The following DYSF variants were observed in gnomAD, a reference collection of about 807,000 sequenced individuals.
The protein encoded by DYSF is dysferlin, also known as dystrophy-associated fer-1-like 1.
A neutral mutation model predicts 274.9 loss-of-function variants in DYSF; 212 were observed. The observed-to-expected ratio is 0.77, with a 90% confidence interval of 0.69 to 0.86. The LOEUF (loss-of-function observed/expected upper bound fraction) is 0.86. Ranked by LOEUF, DYSF falls within the 40% of genes least tolerant of loss-of-function variation. The pLI, the probability that DYSF is intolerant of heterozygous loss-of-function variation, is 0.00. For synonymous variants in DYSF, 1,091 were observed against 1,078.7 expected, an observed-to-expected ratio of 1.01 and a Z score of -0.22; for missense variants, 2,666 against 2,783.2, an observed-to-expected ratio of 0.96 and a Z score of 0.95.
chr2:71,553,564 TC>T (rs2152791733), intron 20 of DYSF, among the ~76,000 whole-genome samples: 1 of 152,226 alleles, frequency 6.6e-6, no homozygotes, highest in East Asian at 1.9e-4. Context: ...TCTGCTCAAC[TC>T]ACGAAGGGAG....
At chr2:71,601,821 G>A (rs188502894) in intron 35 of DYSF, among the ~76,000 whole-genome samples, 92 of 152,256 alleles carry the variant, frequency 6.0e-4, no homozygotes, top group Admixed American at 1.2e-3. Context: ...TAGAATCTCC[G>A]GGACAGCACT....
At chr2:71,628,696 A>T (rs1425114952) in intron 41 of DYSF, among the ~76,000 whole-genome samples, 5 of 152,182 alleles carry the variant, frequency 3.3e-5, no homozygotes, top group Non-Finnish European at 1.5e-5. Flanking sequence ...CATGCCTGTA[A>T]TCCCAGCACT....
At position 71,574,422 on chromosome 2, in the gene DYSF, C is replaced by T. The variant is rs370764937; in HGVS notation, c.3402+51C>T. On this transcript the variant is annotated intron_variant, in intron 30 of 55. Coordinates refer to ENST00000410020, the MANE Select transcript of DYSF (RefSeq NM_001130987.2). ...CTTGGGTAGGGTATATCTTGGTTTC[C>T]CAGGGCTGTTCGGGCTGATGTGGGA... 6 of 1,596,772 alleles carry T rather than the reference C, an allele frequency of 3.8e-6. No homozygotes were observed. In the African/African-American group the frequency reaches 6.7e-5, roughly 18 times the overall value.
intron 1 of DYSF, among the ~76,000 whole-genome samples, chr2:71,468,380 TG>T (rs1253968209): frequency 6.6e-6 from 1 of 152,174 alleles, no homozygotes. Flanking sequence ...ATAAGGAAAT[TG>T]AAACCCAGGG....
chr2:71,664,863 G>A (rs1387626933), intron 46 of DYSF, among the ~76,000 whole-genome samples: 1 of 152,190 alleles, frequency 6.6e-6, no homozygotes, highest in Non-Finnish European at 1.5e-5. Context: ...ATGCATGTGA[G>A]GACTGCACCC....
At chr2:71,673,049 CA>C (rs1264083833) in intron 51 of DYSF, among the ~76,000 whole-genome samples, 2 of 152,196 alleles carry the variant, frequency 1.3e-5, no homozygotes, top group Non-Finnish European at 1.5e-5. Context: ...GGCTGGACAG[CA>C]AGGGTGGGTT....
In DYSF at chr2:71,625,282, T is replaced by C. The variant is rs149132075; in HGVS notation, c.4527+4673T>C. On this transcript the variant is annotated intron_variant, in intron 41 of 55. Transcript: ENST00000410020. Reference sequence around the variant, plus strand: ...ACTGTTAAAGGGAGCTATTTGTCTATATTTTCTTCTAAAAATTCTGAAGTT... The same window carrying C: ...ACTGTTAAAGGGAGCTATTTGTCTACATTTTCTTCTAAAAATTCTGAAGTT... Among the ~76,000 whole-genome samples the C allele has an allele frequency of 4.0e-3, 603 of 152,310 alleles. 2 individuals carry two copies. The highest frequency in any genetic ancestry group is 0.014 in the African/African-American group (586 of 41,580).
rs2152814618 is a variant in DYSF at position 71,570,299 on chromosome 2, G to A, written c.3050G>A (p.Trp1017Ter). The A allele has an allele frequency of 6.2e-7, 1 of 1,614,136 alleles. No individual in the cohort carries two copies. The highest frequency in any genetic ancestry group is 8.5e-7 in the Non-Finnish European group (1 of 1,180,016). ...GGCTGGAAGTGGGAAGATGAGGAAT[G>A]GTCCACAGACCTCAACCGGGCTGTC... The part of the protein sequence containing the change: ...PLGWKWEDEE[W>*]STDLNRAVDE... Residue 1017 changes from tryptophan to a stop codon, truncating the protein, a stop_gained, in exon 28 of 56, where the codon TGG (tryptophan) becomes TAG (stop). Coordinates refer to ENST00000410020, the MANE Select transcript of DYSF (RefSeq NM_001130987.2). LOFTEE classifies it high-confidence loss of function.
At chr2:71,455,712 C>T (rs2081032783) in intron 1 of DYSF, among the ~76,000 whole-genome samples, 1 of 152,148 alleles carries the variant, frequency 6.6e-6, no homozygotes, top group South Asian at 2.1e-4. Flanking sequence ...CCTCCCACGC[C>T]AGCACCTCTT....
At chr2:71,541,510 T>G (rs1459641225) in intron 17 of DYSF, among the ~76,000 whole-genome samples, 2 of 19,120 alleles carry the variant, frequency 1.0e-4, no homozygotes, top group East Asian at 6.0e-4. Flanking sequence ...TGTATTTGAG[T>G]TTTTTTTTCT....
intron 1 of DYSF, among the ~76,000 whole-genome samples, chr2:71,477,411 C>T (rs180765590): frequency 3.0e-4 from 45 of 152,016 alleles, no homozygotes; most frequent in South Asian, 1.5e-3. Context: ...TGTAAGTTGC[C>T]GGGCTCTGTC....
At chr2:71,568,629 C>T (rs1338876183) in intron 26 of DYSF, among the ~76,000 whole-genome samples, 1 of 151,822 alleles carries the variant, frequency 6.6e-6, no homozygotes, top group Non-Finnish European at 1.5e-5. Context: ...AGCATGATCG[C>T]AGCTCATTGC....
At chr2:71,638,726 G>A (rs149545643) in intron 41 of DYSF, among the ~76,000 whole-genome samples, 41 of 152,150 alleles carry the variant, frequency 2.7e-4, no homozygotes, top group Admixed American at 1.8e-3. Flanking sequence ...CTTTATCCAC[G>A]CATCAGTTGA....
At position 71,620,498 on chromosome 2, in the gene DYSF, T is replaced by C. The variant is rs1469276031; in HGVS notation, c.4465-49T>C. On this transcript the variant is annotated intron_variant, in intron 40 of 55. Coordinates refer to ENST00000410020, the MANE Select transcript of DYSF (RefSeq NM_001130987.2). The stretch of plus-strand genomic sequence containing the variant: ...CTCTTGGAGACTGTCCAGCCTTCCC[T>C]AAAGTGGGTTCTCTAATCCTGTTGC... The C allele has an allele frequency of 1.1e-5, 17 of 1,548,498 alleles. No homozygotes were observed. The Middle Eastern group carries it at 1.2e-3, about 106-fold the overall frequency.
intron 34 of DYSF, 109 bp downstream of exon 34, chr2:71,600,951 G>A: frequency 6.7e-7 from 1 of 1,487,274 alleles, no homozygotes; most frequent in Non-Finnish European, 9.2e-7. Flanking sequence ...CTCCTGCTGA[G>A]ACCCATTTTC....
At chr2:71,583,043 CAAAAAAAAAAA>C (rs143738269) in intron 30 of DYSF, among the ~76,000 whole-genome samples, 6 of 49,950 alleles carry the variant, frequency 1.2e-4, no homozygotes, top group African/African-American at 3.3e-4. Flanking sequence ...GACTCCATCT[CAAAAAAAAAAA>C]AAAAAAAAAA....
upstream of DYSF, among the ~76,000 whole-genome samples, chr2:71,463,295 T>TC (rs1214228606): frequency 6.6e-6 from 1 of 152,150 alleles, no homozygotes; most frequent in African/African-American, 2.4e-5. Flanking sequence ...ACAACTTTGC[T>TC]CCACCCTGGA....
In DYSF at chr2:71,658,981, G is replaced by T; in HGVS notation, c.4859G>T (p.Arg1620Leu). 1 of 1,614,106 alleles carries T rather than the reference G, an allele frequency of 6.2e-7. No individual in the cohort carries two copies. The highest frequency in any genetic ancestry group is 8.5e-7 in the Non-Finnish European group (1 of 1,180,018). Residue 1620 changes from arginine to leucine, a missense_variant, in exon 44 of 56, where the codon CGT (arginine) becomes CTT (leucine). Transcript: ENST00000410020. ...CAGGGACCCCAGGAGTGCTTGGTCCGTATCTACATTGTCCGAGCATTTGGC... is the reference window on the plus strand; with the variant it reads ...CAGGGACCCCAGGAGTGCTTGGTCCTTATCTACATTGTCCGAGCATTTGGC... ...AAQGPQECLV[R>L]IYIVRAFGLQ...
chr2:71,645,723 G>A (rs968156339), intron 42 of DYSF, among the ~76,000 whole-genome samples: 2 of 152,012 alleles, frequency 1.3e-5, no homozygotes, highest in Non-Finnish European at 2.9e-5. Flanking sequence ...ACCCCGTTCT[G>A]TATCAGTTAT....
Sources: allele counts gnomAD v4.1 joint callset (sites outside exome capture counted in the v4.1 genomes callset), GRCh38; gene constraint gnomAD v4.1.1; transcripts MANE v1.5; gene names NCBI Gene and HGNC (gene_info 2026-07-23, HGNC 2026-07-21).